Variants in CEP83 observed in about 807,000 individuals in gnomAD.
CEP83 encodes centrosomal protein 83, also known as centrosomal protein of 83 kDa.
CEP83 carries 70 observed loss-of-function variants against 101.9 expected under a neutral mutation model. The ratio of observed to expected loss-of-function variants is 0.69; its 90% CI spans 0.57 to 0.84. The LOEUF is 0.84. CEP83 is among the 40% of genes least tolerant of loss of function. CEP83 has a pLI of 0.00. For synonymous variants in CEP83, 264 were observed against 267.9 expected (o/e 0.99, Z 0.14); for missense variants, 715 against 787.2 (o/e 0.91, Z 1.10).
chr12:94,434,894 C>A (rs752531005), intron 2 of CEP83, among the ~76,000 whole-genome samples: 1 of 152,144 alleles, frequency 6.6e-6, no homozygotes, highest in Non-Finnish European at 1.5e-5. Context: ...ATTTTCCACA[C>A]GGTGTCATGT....
intron 11 of CEP83, among the ~76,000 whole-genome samples, chr12:94,339,755 A>C (rs557923161): frequency 8.8e-4 from 134 of 152,320 alleles, no homozygotes; most frequent in Non-Finnish European, 1.4e-3. Flanking sequence ...CTTGCTTGTG[A>C]GCACTGGAAA....
At chr12:94,413,825 TACACACACACACACAC>T (rs56372938) in intron 2 of CEP83, among the ~76,000 whole-genome samples, 30 of 140,490 alleles carry the variant, frequency 2.1e-4, no homozygotes, top group African/African-American at 5.3e-4. Flanking sequence ...CCATAATACA[TACACACACACACACAC>T]ACACACACAC....
intron 6 of CEP83, among the ~76,000 whole-genome samples, chr12:94,386,120 T>A (rs78604526): frequency 2.0e-4 from 30 of 152,318 alleles, no homozygotes; most frequent in Non-Finnish European, 4.0e-4. Context: ...AGCTACACGT[T>A]ACTGTACTTA....
At position 94,459,673 on chromosome 12, in the gene CEP83, C is replaced by T. The variant is rs1480000547; in HGVS notation, c.-271G>A. On this transcript the variant is annotated 5_prime_UTR_variant, in exon 1 of 17. Transcript: ENST00000397809. Reference sequence around the variant, plus strand: ...TCCAACCACAGGCACCCACTCAACTCCGCTTACGGAGGCATTGGGACTAAG... The same window carrying T: ...TCCAACCACAGGCACCCACTCAACTTCGCTTACGGAGGCATTGGGACTAAG... 1 of 152,694 alleles carries T rather than the reference C, an allele frequency of 6.5e-6. No individual in the cohort carries two copies. Among genetic ancestry groups the T allele is most frequent in the Non-Finnish European group, 1.5e-5 (1 of 68,262 alleles). 9.5% of individuals were successfully genotyped at this position (152,694 alleles called of 1,614,324 possible).
the CEP83 span, chr12:94,300,800 TG>T: frequency 3.2e-6 from 3 of 948,678 alleles, no homozygotes; most frequent in Non-Finnish European, 4.7e-6. Flanking sequence ...TAAGCAGAGT[TG>T]TATACTTCAA....
chr12:94,399,039 T>TA (rs1555248749), intron 6 of CEP83, among the ~76,000 whole-genome samples: 1 of 152,220 alleles, frequency 6.6e-6, no homozygotes, highest in Non-Finnish European at 1.5e-5. Context: ...CCACTGAACA[T>TA]AGAGCCTTAT....
At chr12:94,393,805 T>C (rs1169532556) in intron 6 of CEP83, among the ~76,000 whole-genome samples, 1 of 152,018 alleles carries the variant, frequency 6.6e-6, no homozygotes, top group African/African-American at 2.4e-5. Context: ...TGGGCAAAAA[T>C]CACAAGCATT....
At chr12:94,345,411 C>T (rs975907253) in intron 11 of CEP83, among the ~76,000 whole-genome samples, 1 of 152,206 alleles carries the variant, frequency 6.6e-6, no homozygotes, top group African/African-American at 2.4e-5. Flanking sequence ...GTATTAGGCC[C>T]TTTGTTTATG....
chr12:94,384,530 T>G (rs1328031612), intron 6 of CEP83, among the ~76,000 whole-genome samples: 1 of 152,200 alleles, frequency 6.6e-6, no homozygotes, highest in Non-Finnish European at 1.5e-5. Flanking sequence ...GGGACAGAAA[T>G]CTTAGATCTT....
intron 1 of CEP83, among the ~76,000 whole-genome samples, chr12:94,446,511 C>A (rs2066815550): frequency 6.6e-6 from 1 of 152,006 alleles, no homozygotes; most frequent in Non-Finnish European, 1.5e-5. Flanking sequence ...AGATCGAGAC[C>A]ATCCTGGCCA....
At chr12:94,395,691 G>A (rs765747373) in intron 6 of CEP83, among the ~76,000 whole-genome samples, 3 of 152,076 alleles carry the variant, frequency 2.0e-5, no homozygotes, top group Non-Finnish European at 2.9e-5. Context: ...AGGCATGGTG[G>A]GTGCCTGTAG....
chr12:94,301,149 C>A, the CEP83 span: 1 of 1,044,754 alleles, frequency 9.6e-7, no homozygotes, highest in Non-Finnish European at 1.4e-6. Context: ...AACAATTGGT[C>A]TAAACTACAC....
At chr12:94,373,005 C>T (rs960592021) in intron 8 of CEP83, among the ~76,000 whole-genome samples, 2 of 152,140 alleles carry the variant, frequency 1.3e-5, no homozygotes, top group African/African-American at 4.8e-5. Context: ...AATAATAGCA[C>T]TTTTCTATGA....
intron 5 of CEP83, 28 bp downstream of exon 5, chr12:94,403,142 T>G: frequency 9.0e-7 from 1 of 1,109,526 alleles, no homozygotes; most frequent in Non-Finnish European, 1.4e-6. Flanking sequence ...TGAGGATAAA[T>G]GCATAGTAAA....
the CEP83 span, among the ~76,000 whole-genome samples, chr12:94,298,249 G>A: frequency 6.6e-6 from 1 of 152,144 alleles, no homozygotes. Flanking sequence ...AAAAATTCTG[G>A]GAACAGAGCA....
At position 94,308,998 on chromosome 12, in the gene CEP83, T is replaced by C. The variant is rs1969412397; in HGVS notation, c.2002-81A>G. ...TAGCAACCTTGGACTGCCTCTTTTA[T>C]ATATGCCTATAACATCTGGCAAGGA... On this transcript the variant is annotated intron_variant, in intron 16 of 16. Transcript: ENST00000397809. 9.1e-6 allele frequency: 8 copies of C among 876,078 alleles called. No individual in the cohort carries two copies. In the South Asian group the frequency reaches 1.1e-4, roughly 12 times the overall value. 54.3% of individuals were successfully genotyped at this position (876,078 alleles called of 1,614,324 possible). A position where few individuals can be genotyped will look rare whatever the true frequency, so the allele number is the denominator to read the frequency against.
At chr12:94,375,328 G>A (rs931817711) in intron 8 of CEP83, among the ~76,000 whole-genome samples, 4 of 152,200 alleles carry the variant, frequency 2.6e-5, no homozygotes, top group Admixed American at 2.0e-4. Flanking sequence ...AGCAAGTTAT[G>A]TGGATACGTG....
the CEP83 span, among the ~76,000 whole-genome samples, chr12:94,284,087 G>GAAA: frequency 0.04 from 3,306 of 82,530 alleles, 65 homozygotes; most frequent in African/African-American, 0.074. Context: ...CATGTCAGGG[G>GAAA]AAAAAAAAAA....
the CEP83 span, among the ~76,000 whole-genome samples, chr12:94,269,321 C>T: frequency 6.6e-6 from 1 of 152,274 alleles, no homozygotes; most frequent in East Asian, 1.9e-4. Context: ...CTTGAAAAAG[C>T]ACAAGTACAT....
Sources: allele counts gnomAD v4.1 joint callset (sites outside exome capture counted in the v4.1 genomes callset), GRCh38; gene constraint gnomAD v4.1.1; transcripts MANE v1.5; gene names NCBI Gene and HGNC (gene_info 2026-07-23, HGNC 2026-07-21).